ZNF106: variants seen among roughly 807,000 people sequenced by gnomAD.
ZNF106 encodes the protein zinc finger protein 106.
A neutral mutation model predicts 195.1 loss-of-function variants in ZNF106; 67 were observed. The observed-to-expected ratio is 0.34, with a 90% CI of 0.28 to 0.42. The LOEUF is 0.42. ZNF106 is among the 10% of genes least tolerant of loss of function. The pLI is 1.00. For synonymous variants in ZNF106, 784 were observed against 818.6 expected, an observed-to-expected ratio of 0.96 and a Z score of 0.72; for missense variants, 2,118 against 2,304.5, an observed-to-expected ratio of 0.92 and a Z score of 1.66.
intron 2 of ZNF106, 38 bp downstream of exon 2, chr15:42,472,198 A>T (rs1431521909): frequency 1.3e-6 from 2 of 1,517,242 alleles, no homozygotes; most frequent in Non-Finnish European, 1.8e-6. Flanking sequence ...TTTAAAAAAT[A>T]GTCATAAAGC....
intron 1 of ZNF106, among the ~76,000 whole-genome samples, chr15:42,485,585 T>C (rs986936638): frequency 3.9e-5 from 6 of 152,120 alleles, no homozygotes; most frequent in Non-Finnish European, 8.8e-5. Flanking sequence ...TGTGGGTGTG[T>C]GTGTGTGAGT....
chr15:42,478,040 T>C (rs1595495860), intron 1 of ZNF106, among the ~76,000 whole-genome samples: 1 of 151,302 alleles, frequency 6.6e-6, no homozygotes, highest in South Asian at 2.1e-4. Flanking sequence ...AGTGCAGTGG[T>C]GCTATCTCAG....
intron 1 of ZNF106, among the ~76,000 whole-genome samples, chr15:42,487,826 ACTTT>A (rs1475680576): frequency 6.6e-6 from 1 of 152,024 alleles, no homozygotes; most frequent in Non-Finnish European, 1.5e-5. Flanking sequence ...CCACCATTCT[ACTTT>A]CTGTCTCTAT....
chr15:42,478,516 T>C (rs1054849919), intron 1 of ZNF106, among the ~76,000 whole-genome samples: 7 of 131,510 alleles, frequency 5.3e-5, no homozygotes, highest in African/African-American at 2.3e-4. Flanking sequence ...CTTTTTCTTT[T>C]TTTTTTTTTT....
chr15:42,446,834 C>T (rs576706322), intron 6 of ZNF106, among the ~76,000 whole-genome samples, 176 bp from the exon 7 acceptor site: 12 of 152,196 alleles, frequency 7.9e-5, no homozygotes, highest in African/African-American at 2.4e-4. Flanking sequence ...GTTGAATAAA[C>T]GTATCTGATT....
Position 42,448,610 on chromosome 15 carries a change from C to G in ZNF106, c.2597G>C (p.Trp866Ser). ...PDLSSLEGFQ[W>S]EGVSISSSPG... ...GGACGAGGAAATGGAAACACCTTCC[C>G]ACTGGAATCCTTCTAGACTGGACAG... Residue 866 changes from tryptophan to serine, a missense_variant, in exon 6 of 22, where the codon TGG (tryptophan) becomes TCG (serine). Physicochemically the swap from Trp to Ser is radical, Grantham distance 177. Coordinates refer to ENST00000564754, the MANE Select transcript of ZNF106 (RefSeq NM_001366845.3). 1 of 1,614,114 alleles carries G rather than the reference C, an allele frequency of 6.2e-7. No individual in the cohort carries two copies. The highest frequency in any genetic ancestry group is 1.3e-5 in the African/African-American group (1 of 75,060).
chr15:42,450,214 G>C lies in ZNF106; in HGVS notation c.2058C>G (p.His686Gln). The C allele has an allele frequency of 6.2e-7, 1 of 1,614,208 alleles. No individual in the cohort carries two copies. The highest frequency in any genetic ancestry group is 1.7e-5 in the Admixed American group (1 of 60,022). ...ELQMTSAASP[H>Q]PGLLLDLKTS... ...TTTTCAAGTCTAGCAATAAGCCAGG[G>C]TGTGGACTGGCTGCAGATGTCATTT... The change falls in exon 5 of 22, where the codon CAC becomes CAG. Residue 686 changes from histidine to glutamine, a missense_variant. Physicochemically the swap from His to Gln is conservative, Grantham distance 24. Coordinates refer to ENST00000564754, the MANE Select transcript of ZNF106 (RefSeq NM_001366845.3).
chr15:42,462,582 G>C (rs369248064), intron 3 of ZNF106, among the ~76,000 whole-genome samples: 3 of 152,274 alleles, frequency 2.0e-5, no homozygotes, highest in African/African-American at 7.2e-5. Context: ...TGGGCTACGA[G>C]TGTGAAACTC....
chr15:42,468,518 G>A (rs1038018452), intron 2 of ZNF106, among the ~76,000 whole-genome samples: 2 of 151,532 alleles, frequency 1.3e-5, no homozygotes, highest in Admixed American at 1.3e-4. Context: ...GCTGAGGTGG[G>A]CGGATCAAAA....
At chr15:42,474,009 C>T (rs1378043486) in intron 1 of ZNF106, among the ~76,000 whole-genome samples, 2 of 152,170 alleles carry the variant, frequency 1.3e-5, no homozygotes, top group Non-Finnish European at 2.9e-5. Context: ...GAGGCCCCCA[C>T]TGAGTACCCA....
At position 42,450,328 on chromosome 15, in the gene ZNF106, T is replaced by C. The variant is rs750554164; in HGVS notation, c.1944A>G (p.Lys648=). 1 of 1,614,188 alleles carries C rather than the reference T, an allele frequency of 6.2e-7. No homozygotes were observed. The stretch of plus-strand genomic sequence containing the variant: ...TCTTCAGGATGCGGTCATCCTCCTC[T>C]TTCTCATCAGCAGTTCGAGTGCTGC... ...LSGSTRTADE[K]EEDDRILKTS... The change falls in exon 5 of 22, where the codon AAA becomes AAG. Residue 648 remains lysine, a synonymous_variant. Transcript: ENST00000564754.
intron 3 of ZNF106, 53 bp from the exon 4 acceptor site, chr15:42,457,211 A>G (rs755465100): frequency 1.9e-6 from 3 of 1,613,644 alleles, no homozygotes; most frequent in Non-Finnish European, 2.5e-6. Flanking sequence ...GGCATGGCAC[A>G]CTCACCAGAT....
At chr15:42,458,704 T>A (rs36063655) in intron 3 of ZNF106, among the ~76,000 whole-genome samples, 5,287 of 147,710 alleles carry the variant, frequency 0.036, 127 homozygotes, top group Non-Finnish European at 0.052. Context: ...CCAGACTCCA[T>A]CTCAAAAAAA....
intron 7 of ZNF106, among the ~76,000 whole-genome samples, chr15:42,446,006 A>G (rs181446214): frequency 6.6e-6 from 1 of 152,348 alleles, no homozygotes; most frequent in East Asian, 1.9e-4. Context: ...AGAAATGGCT[A>G]TACATGACCA....
At chr15:42,422,350 C>T in intron 18 of ZNF106, 151 bp downstream of exon 18, 1 of 1,077,480 alleles carries the variant, frequency 9.3e-7, no homozygotes, top group South Asian at 1.7e-5. Context: ...AGCTGCAGTC[C>T]ACAGGCCAGC....
chr15:42,451,696 T>C lies in ZNF106; in HGVS notation c.576A>G (p.Gly192=). 6.2e-7 allele frequency: 1 copy of C among 1,614,206 alleles called. No homozygotes were observed. Among genetic ancestry groups the C allele is most frequent in the African/African-American group, 1.3e-5 (1 of 75,044 alleles). ...GRSGWHKGVA[G]GSSTWFHNHS... ...GGTTGTGAAACCAAGTCGAGGAGCCTCCTGCAACACCCTTATGCCACCCGG... is the reference window on the plus strand; with the variant it reads ...GGTTGTGAAACCAAGTCGAGGAGCCCCCTGCAACACCCTTATGCCACCCGG... The change falls in exon 5 of 22, where the codon GGA becomes GGG. Residue 192 remains glycine (G), a synonymous_variant. Transcript: ENST00000564754.
At chr15:42,431,916 T>C (rs1753016913) in intron 14 of ZNF106, among the ~76,000 whole-genome samples, 1 of 152,130 alleles carries the variant, frequency 6.6e-6, no homozygotes, top group Non-Finnish European at 1.5e-5. Context: ...ACCCGGCCAG[T>C]GTTGTACAGT....
rs745630877 is a variant in ZNF106, at chr15:42,457,084, C to T, written c.191G>A (p.Gly64Asp). The T allele has an allele frequency of 8.1e-6, 13 of 1,613,296 alleles. No individual in the cohort carries two copies. The highest frequency in any genetic ancestry group is 1.6e-4 in the Middle Eastern group (1 of 6,082). The change falls in exon 4 of 22, where the codon GGC becomes GAC. Residue 64 changes from glycine to aspartate, a missense_variant. Transcript: ENST00000564754. ...ATCAACGTTATCTTTGTGCAACTGG[C>T]CAGAAATGTGCTTTGCATATGCAGA... ...GLSAYAKHIS[G>D]QLHKDNVDAQ... is the part of the protein sequence containing the mutation.
intron 1 of ZNF106, among the ~76,000 whole-genome samples, chr15:42,481,365 T>G (rs990066161): frequency 1.6e-4 from 24 of 145,902 alleles, no homozygotes; most frequent in East Asian, 7.8e-4. Context: ...TTGTTTTTTT[T>G]TTTTTTTTTT....
Sources: gnomAD v4.1 joint callset for allele counts (sites outside exome capture counted in the v4.1 genomes callset) on GRCh38, gnomAD v4.1.1 for gene constraint, MANE v1.5 for transcripts, NCBI Gene and HGNC (gene_info 2026-07-23, HGNC 2026-07-21) for gene names.